TENM4: variants seen among roughly 807,000 people sequenced by gnomAD.
The protein encoded by TENM4 is teneurin-4.
Under a neutral mutation model 243.3 loss-of-function variants are expected in TENM4, and 82 were observed. The ratio of observed to expected loss-of-function variants is 0.34; its 90% CI spans 0.28 to 0.40. The LOEUF (loss-of-function observed/expected upper bound fraction) is 0.40. TENM4 is among the 10% of genes least tolerant of loss of function. The pLI is 1.00. For missense variants in TENM4, 3,138 were observed against 3,673.3 expected (o/e 0.85, Z 3.77); for synonymous variants, 1,412 against 1,456.3 (o/e 0.97, Z 0.69).
intron 18 of TENM4, among the ~76,000 whole-genome samples, chr11:78,760,540 A>G (rs1161390872): frequency 6.6e-6 from 1 of 152,256 alleles, no homozygotes; most frequent in African/African-American, 2.4e-5. Flanking sequence ...ACAATGAGAC[A>G]AACATTTTCT....
chr11:78,860,666 T>C (rs1051877124), intron 10 of TENM4, among the ~76,000 whole-genome samples: 5 of 152,344 alleles, frequency 3.3e-5, no homozygotes, highest in East Asian at 3.9e-4. Context: ...AGGAAGAACA[T>C]TGTGGTCTCA....
intron 2 of TENM4, among the ~76,000 whole-genome samples, chr11:79,219,003 A>G (rs1454885288): frequency 6.6e-6 from 1 of 152,242 alleles, no homozygotes. Context: ...AAGAAAAACA[A>G]GACATAGCCA....
intron 4 of TENM4, among the ~76,000 whole-genome samples, chr11:79,072,548 A>C (rs1215074396): frequency 6.6e-6 from 1 of 152,206 alleles, no homozygotes; most frequent in Non-Finnish European, 1.5e-5. Context: ...ATGTATGCGA[A>C]TGTGTGTGTT....
At chr11:79,029,563 G>A (rs1410223505) in intron 6 of TENM4, among the ~76,000 whole-genome samples, 1 of 152,164 alleles carries the variant, frequency 6.6e-6, no homozygotes, top group African/African-American at 2.4e-5. Flanking sequence ...AAGCTTGGCT[G>A]TCTTGGAAAC....
chr11:79,336,129 GA>G (rs992578207), intron 1 of TENM4, among the ~76,000 whole-genome samples: 22 of 151,656 alleles, frequency 1.5e-4, no homozygotes, highest in African/African-American at 2.4e-4. Context: ...ACTAAATGGG[GA>G]AAAAAAATGT....
chr11:79,314,727 G>GAAAAGGGGAGTAAGACAT (rs1341546541), intron 1 of TENM4, among the ~76,000 whole-genome samples: 1 of 152,238 alleles, frequency 6.6e-6, no homozygotes, highest in Non-Finnish European at 1.5e-5. Flanking sequence ...AAAAGGGGTA[G>GAAAAGGGGAGTAAGACAT]AAAAGGGGAG....
intron 15 of TENM4, among the ~76,000 whole-genome samples, chr11:78,802,881 G>C (rs776591100): frequency 1.3e-5 from 2 of 152,134 alleles, no homozygotes; most frequent in Non-Finnish European, 2.9e-5. Context: ...TTAAAAATTA[G>C]AATCTATATT....
At chr11:79,334,035 C>G (rs755900181) in intron 1 of TENM4, among the ~76,000 whole-genome samples, 1 of 152,196 alleles carries the variant, frequency 6.6e-6, no homozygotes, top group Non-Finnish European at 1.5e-5. Context: ...ACAGAATGAT[C>G]GTCTAAGTCA....
chr11:79,165,884 G>A (rs1465111908), intron 3 of TENM4, among the ~76,000 whole-genome samples: 1 of 152,170 alleles, frequency 6.6e-6, no homozygotes, highest in African/African-American at 2.4e-5. Flanking sequence ...AGTACCATTT[G>A]TTGAATAGGG....
chr11:78,956,248 C>T (rs574190995), intron 6 of TENM4, among the ~76,000 whole-genome samples: 44 of 152,014 alleles, frequency 2.9e-4, no homozygotes, highest in Non-Finnish European at 4.7e-4. Flanking sequence ...GGGAGTTGCA[C>T]GAGGGAACCA....
intron 12 of TENM4, among the ~76,000 whole-genome samples, chr11:78,818,615 G>C (rs939559754): frequency 6.6e-6 from 1 of 152,118 alleles, no homozygotes; most frequent in African/African-American, 2.4e-5. Flanking sequence ...GTTCAGTTAG[G>C]ATCCCACAAA....
At chr11:78,913,774 G>A (rs1421604199) in intron 6 of TENM4, among the ~76,000 whole-genome samples, 4 of 152,152 alleles carry the variant, frequency 2.6e-5, no homozygotes, top group Non-Finnish European at 4.4e-5. Flanking sequence ...TTGCTGGAGC[G>A]GGCCCAGAGG....
Position 78,658,354 on chromosome 11 carries a change from C to G in TENM4, c.8014G>C (p.Ala2672Pro). 1 of 1,613,864 alleles carries G rather than the reference C, an allele frequency of 6.2e-7. No individual in the cohort carries two copies. Residue 2672 changes from alanine (A) to proline (P), a missense_variant, in exon 34 of 34, where the codon GCA becomes CCA. Ala to Pro is a conservative substitution (Grantham distance 27). Coordinates refer to ENST00000278550, the MANE Select transcript of TENM4 (RefSeq NM_001098816.3). ...CCGTAGCGTGTGTTCAAGCACAGTGCCCCGTACTGGAGCTGGATGTCTGTG... is the reference window on the plus strand; with the variant it reads ...CCGTAGCGTGTGTTCAAGCACAGTGGCCCGTACTGGAGCTGGATGTCTGTG... ...RYTDIQLQYGALCLNTRYGTT... is the reference protein window; with the variant it reads ...RYTDIQLQYGPLCLNTRYGTT...
At chr11:78,737,766 A>G (rs550766300) in intron 20 of TENM4, among the ~76,000 whole-genome samples, 5 of 152,298 alleles carry the variant, frequency 3.3e-5, no homozygotes, top group Admixed American at 6.5e-5. Flanking sequence ...TTGTATACTT[A>G]CTATGTGCCA....
intron 6 of TENM4, among the ~76,000 whole-genome samples, chr11:78,975,446 A>G (rs1857633339): frequency 6.6e-6 from 1 of 152,058 alleles, no homozygotes; most frequent in South Asian, 2.1e-4. Context: ...AGTCACTGAA[A>G]TTTATGGCAG....
At chr11:79,160,848 C>G (rs1862729295) in intron 3 of TENM4, among the ~76,000 whole-genome samples, 1 of 152,204 alleles carries the variant, frequency 6.6e-6, no homozygotes, top group South Asian at 2.1e-4. Flanking sequence ...TCCATGACCT[C>G]TCAGCCAAAG....
chr11:78,991,335 G>T (rs1323593541), intron 6 of TENM4, among the ~76,000 whole-genome samples: 1 of 151,968 alleles, frequency 6.6e-6, no homozygotes, highest in Non-Finnish European at 1.5e-5. Context: ...ATTGCCTCTT[G>T]TTGATAGGAA....
chr11:79,080,406 G>C (rs1860637791), intron 4 of TENM4, among the ~76,000 whole-genome samples: 1 of 152,372 alleles, frequency 6.6e-6, no homozygotes, highest in Non-Finnish European at 1.5e-5. Flanking sequence ...GGGGGGCACT[G>C]CATCAGGTGG....
intron 4 of TENM4, among the ~76,000 whole-genome samples, chr11:79,112,701 G>A (rs1861532446): frequency 6.6e-6 from 1 of 152,088 alleles, no homozygotes; most frequent in African/African-American, 2.4e-5. Context: ...TTCCTCATTG[G>A]TCAAGGAGCA....
Sources: allele counts gnomAD v4.1 joint callset (sites outside exome capture counted in the v4.1 genomes callset), GRCh38; gene constraint gnomAD v4.1.1; transcripts MANE v1.5; gene names NCBI Gene and HGNC (gene_info 2026-07-23, HGNC 2026-07-21).